The following ZNF714 variants were observed in gnomAD, a reference collection of about 807,000 sequenced individuals.
The protein encoded by ZNF714 is zinc finger protein 714.
In ZNF714, 32 loss-of-function variants were observed where a neutral mutation model predicts 46.2. The ratio of observed to expected loss-of-function variants is 0.69; its 90% confidence interval spans 0.52 to 0.93. The LOEUF is 0.93. Among genes scored for constraint, ZNF714 ranks in the 40% least tolerant of loss-of-function variants. ZNF714 has a pLI of 0.00. For missense variants in ZNF714, 635 were observed against 646.3 expected, an observed-to-expected ratio of 0.98 and a Z score of 0.19; for synonymous variants, 199 against 213.1, an observed-to-expected ratio of 0.93 and a Z score of 0.58.
intron 4 of ZNF714, among the ~76,000 whole-genome samples, chr19:21,100,790 A>G (rs1287322071): frequency 6.6e-6 from 1 of 152,050 alleles, no homozygotes; most frequent in Non-Finnish European, 1.5e-5. Flanking sequence ...AGCTCACTGC[A>G]ACCTCCACCT....
Position 21,116,886 on chromosome 19 carries a change from A to G in ZNF714, c.222A>G (p.Arg74=). The change falls in exon 5 of 5, where the codon AGA becomes AGG. Residue 74 remains arginine, a synonymous_variant. Coordinates refer to ENST00000456283, the MANE Select transcript of ZNF714 (RefSeq NM_182515.4). ...CTTTTCAACAAGTGATACTGAGAAG[A>G]CATGGCAAATGTGAACATGAGAATT... ...KDSFQQVILR[R]HGKCEHENLQ... 6.2e-7 allele frequency: 1 copy of G among 1,613,920 alleles called. No homozygotes were observed. Among genetic ancestry groups the G allele is most frequent in the Non-Finnish European group, 8.5e-7 (1 of 1,179,868 alleles).
chr19:21,082,416 G>T, intron 1 of ZNF714, 68 bp downstream of exon 1: 4 of 1,412,236 alleles, frequency 2.8e-6, no homozygotes, highest in Middle Eastern at 2.0e-4. Flanking sequence ...GGAAGTGGCT[G>T]TGGTGGGACT....
chr19:21,098,363 CTCTT>C, intron 3 of ZNF714, 52 bp downstream of exon 3: 2 of 1,572,488 alleles, frequency 1.3e-6, no homozygotes, highest in Non-Finnish European at 1.7e-6. Flanking sequence ...CGTTTTATGT[CTCTT>C]TTTTTGTAGA....
At chr19:21,087,862 A>G (rs1968818721) in intron 2 of ZNF714, among the ~76,000 whole-genome samples, 1 of 152,194 alleles carries the variant, frequency 6.6e-6, no homozygotes, top group Non-Finnish European at 1.5e-5. Context: ...TCAAAAACAC[A>G]TTTCACTTTC....
chr19:21,088,091 C>T (rs1049952150), intron 2 of ZNF714, among the ~76,000 whole-genome samples: 1 of 152,116 alleles, frequency 6.6e-6, no homozygotes, highest in African/African-American at 2.4e-5. Context: ...TGTCCCAGGC[C>T]TTACCTAGCC....
intron 4 of ZNF714, among the ~76,000 whole-genome samples, chr19:21,103,250 A>T (rs1969229429): frequency 6.6e-6 from 1 of 151,726 alleles, no homozygotes. Context: ...AGAAAAAGTA[A>T]TTGTTGTAAA....
At position 21,116,889 on chromosome 19, in the gene ZNF714, T is replaced by C. The variant is rs1969607527; in HGVS notation, c.225T>C (p.His75=). 1 of 1,613,778 alleles carries C rather than the reference T, an allele frequency of 6.2e-7. No individual in the cohort carries two copies. The highest frequency in any genetic ancestry group is 8.5e-7 in the Non-Finnish European group (1 of 1,179,882). The stretch of plus-strand genomic sequence containing the variant: ...TTCAACAAGTGATACTGAGAAGACA[T>C]GGCAAATGTGAACATGAGAATTTAC... ...DSFQQVILRR[H]GKCEHENLQL... is the part of the protein sequence containing the mutation. Residue 75 remains histidine (H), a synonymous_variant, in exon 5 of 5, where the codon CAT becomes CAC. Coordinates refer to ENST00000456283, the MANE Select transcript of ZNF714 (RefSeq NM_182515.4).
In ZNF714 at chr19:21,121,404, TA is replaced by T. The variant is rs1222361772; in HGVS notation, c.*3073del. On this transcript the variant is annotated 3_prime_UTR_variant, in exon 5 of 5. Coordinates refer to ENST00000456283, the MANE Select transcript of ZNF714 (RefSeq NM_182515.4). The stretch of plus-strand genomic sequence containing the variant: ...GTACAATTGTTATTTACTATAGAGT[TA>T]TTTTTATGGTCATAATACAAATTAT... The T allele has an allele frequency of 6.6e-6, 1 of 152,234 alleles. No individual in the cohort carries two copies. The highest frequency in any genetic ancestry group is 1.5e-5 in the Non-Finnish European group (1 of 68,038). 9.4% of individuals were successfully genotyped at this position (152,234 alleles called of 1,614,324 possible).
intron 4 of ZNF714, among the ~76,000 whole-genome samples, chr19:21,116,319 C>G (rs868063895): frequency 1.3e-5 from 2 of 152,126 alleles, no homozygotes; most frequent in African/African-American, 4.8e-5. Context: ...CCTTTGGTCT[C>G]AAGACCCAAA....
chr19:21,107,000 T>C (rs1486084071), intron 4 of ZNF714, among the ~76,000 whole-genome samples: 1 of 151,900 alleles, frequency 6.6e-6, no homozygotes, highest in African/African-American at 2.4e-5. Flanking sequence ...CTAATTTTTG[T>C]ATTCTTAGTA....
chr19:21,083,210 G>A (rs1340287959), intron 1 of ZNF714, among the ~76,000 whole-genome samples: 1 of 151,946 alleles, frequency 6.6e-6, no homozygotes, highest in Non-Finnish European at 1.5e-5. Flanking sequence ...CTAATTTTGT[G>A]GTTTTAGTAG....
Position 21,123,753 on chromosome 19 carries a change from C to A in ZNF714, c.*5421C>A, listed in dbSNP as rs1278875972. ...AAAGATTGCAAAATAATAAAATGAC[C>A]TCTGAATTTAAAATTTAGAAAAATA... On this transcript the variant is annotated 3_prime_UTR_variant, in exon 5 of 5. Coordinates refer to ENST00000456283, the MANE Select transcript of ZNF714 (RefSeq NM_182515.4). 6.6e-6 allele frequency: 1 copy of A among 152,090 alleles called. No individual in the cohort carries two copies. The highest frequency in any genetic ancestry group is 1.5e-5 in the Non-Finnish European group (1 of 68,008). The allele number at this position is 152,090 out of a possible 1,614,324, so 9.4% of individuals were successfully genotyped here.
intron 2 of ZNF714, among the ~76,000 whole-genome samples, chr19:21,086,707 A>T (rs1968788492): frequency 6.6e-6 from 1 of 152,208 alleles, no homozygotes; most frequent in African/African-American, 2.4e-5. Flanking sequence ...CTAACCATCC[A>T]GGAATGCAGC....
intron 4 of ZNF714, among the ~76,000 whole-genome samples, chr19:21,105,268 G>T (rs543340199): frequency 6.6e-6 from 1 of 151,892 alleles, no homozygotes; most frequent in Non-Finnish European, 1.5e-5. Context: ...TGATTCACCC[G>T]CCTCGGCCTC....
In ZNF714 at chr19:21,098,216, A is replaced by C. The variant is rs147821041; in HGVS notation, c.-53A>C. On this transcript the variant is annotated 5_prime_UTR_variant, in exon 3 of 5. Transcript: ENST00000456283. The stretch of plus-strand genomic sequence containing the variant: ...TTGACATTTAGGGATGTGGCCATAG[A>C]ATTCTCTCTGGAGGAGTGGGAATGC... 60 of 1,612,568 alleles carry C rather than the reference A, an allele frequency of 3.7e-5. 1 individual carries two copies. The East Asian group carries it at 1.0e-3, about 27-fold the overall frequency.
Position 21,116,952 on chromosome 19 carries a change from G to A in ZNF714, c.288G>A (p.Lys96=), listed in dbSNP as rs755645761. Residue 96 remains lysine (K), a synonymous_variant, in exon 5 of 5, where the codon AAG becomes AAA. Transcript: ENST00000456283. ...GCTCCGCAAATGTGGTTGAGTGTAA[G>A]GTGTACAAAAAAGGTTATAATGAAC... ...RKGSANVVEC[K]VYKKGYNELN... 1.2e-6 allele frequency: 2 copies of A among 1,610,550 alleles called. No homozygotes were observed. Among genetic ancestry groups the A allele is most frequent in the Non-Finnish European group, 1.7e-6 (2 of 1,179,562 alleles).
rs1035901555 is a variant in ZNF714, at chr19:21,118,375, C to T, written c.*43C>T. 1.3e-5 allele frequency: 8 copies of T among 598,662 alleles called. No individual in the cohort carries two copies. The African/African-American group carries it at 1.5e-4, about 11-fold the overall frequency. 37.1% of individuals were successfully genotyped at this position (598,662 alleles called of 1,614,324 possible). ...GCAGAGGCAGGAGAATCATTTGAAC[C>T]TGGGAGGCAGAGGTTGCAGTGAGCC... On this transcript the variant is annotated 3_prime_UTR_variant, in exon 5 of 5. Transcript: ENST00000456283.
intron 4 of ZNF714, among the ~76,000 whole-genome samples, chr19:21,106,550 CAG>C (rs765567429): frequency 7.8e-6 from 1 of 127,728 alleles, no homozygotes; most frequent in Non-Finnish European, 1.6e-5. Context: ...GCCTGGGTGA[CAG>C]AGCAAGACTC....
At chr19:21,104,196 TATTTG>T (rs1400154140) in intron 4 of ZNF714, among the ~76,000 whole-genome samples, 1 of 151,750 alleles carries the variant, frequency 6.6e-6, no homozygotes, top group Non-Finnish European at 1.5e-5. Context: ...TCTTTGATTA[TATTTG>T]ATTTAATTAT....
Sources: gnomAD v4.1 joint callset for allele counts (sites outside exome capture counted in the v4.1 genomes callset) on GRCh38, gnomAD v4.1.1 for gene constraint, MANE v1.5 for transcripts, NCBI Gene and HGNC (gene_info 2026-07-23, HGNC 2026-07-21) for gene names.